Variants in KANSL1 observed in about 807,000 individuals in gnomAD.
The protein encoded by KANSL1 is KAT8 regulatory NSL complex subunit 1, also known as MLL1/MLL complex subunit KANSL1.
In KANSL1, 22 loss-of-function variants were observed where a neutral mutation model predicts 103.6. The observed-to-expected ratio is 0.21, with a 90% CI of 0.15 to 0.30. The LOEUF (loss-of-function observed/expected upper bound fraction) is 0.30, where lower values mean the gene tolerates loss of function less well. Ranked by LOEUF, KANSL1 falls within the 10% of genes least tolerant of loss-of-function variation. The pLI is 1.00. For synonymous variants in KANSL1, 600 were observed against 527.6 expected (o/e 1.14, Z -1.88); for missense variants, 1,337 against 1,399.8 (o/e 0.96, Z 0.72).
intron 2 of KANSL1, among the ~76,000 whole-genome samples, chr17:46,102,024 G>A (rs1327308157): frequency 6.6e-6 from 1 of 152,134 alleles, no homozygotes; most frequent in African/African-American, 2.4e-5. Context: ...TGCATTATCA[G>A]TGACATTACC....
chr17:46,223,552 G>A (rs1323410887), intron 1 of KANSL1: 6 of 149,346 alleles, frequency 4.0e-5, no homozygotes, highest in Admixed American at 3.4e-4. Context: ...AAACACAAGA[G>A]GCAAGAGAAA....
chr17:46,067,655 A>T lies in KANSL1; in HGVS notation c.1546T>A (p.Ser516Thr). 6.5e-7 allele frequency: 1 copy of T among 1,536,254 alleles called. No homozygotes were observed. Among genetic ancestry groups the T allele is most frequent in the Non-Finnish European group, 9.0e-7 (1 of 1,109,194 alleles). ...HGTDKLIESV[S>T]QPLENHGAPI... The stretch of plus-strand genomic sequence containing the variant: ...GCACCATGGTTTTCCAATGGCTGAG[A>T]AACAGACTCAATCTGATTAAGAAAA... The change falls in exon 5 of 15, where the codon TCT becomes ACT. Residue 516 changes from serine to threonine, a missense_variant. Ser to Thr is a moderately conservative substitution (Grantham distance 58). This residue lies in a region of KANSL1 where 780 missense variants were observed against 923.4 expected (regional missense o/e 0.84). Coordinates refer to ENST00000432791, the MANE Select transcript of KANSL1 (RefSeq NM_015443.4).
chr17:46,092,824 T>G (rs2079462882), intron 3 of KANSL1: 2 of 151,396 alleles, frequency 1.3e-5, no homozygotes, highest in East Asian at 3.9e-4. Context: ...TCCCCACATG[T>G]CAACAACTTT....
At chr17:46,052,964 C>CAAAAAAAAAAAAAAAAAAAAAAA (rs34473927) in intron 6 of KANSL1, among the ~76,000 whole-genome samples, 1 of 33,000 alleles carries the variant, frequency 3.0e-5, no homozygotes, top group Admixed American at 3.9e-4. Flanking sequence ...ATCCTGTCTC[C>CAAAAAAAAAAAAAAAAAAAAAAA]AAAAAAAAAA....
upstream of KANSL1, chr17:46,225,228 C>G (rs2048649795): frequency 6.5e-6 from 1 of 153,934 alleles, no homozygotes; most frequent in South Asian, 2.1e-4. Context: ...GCCGCTCCCT[C>G]GAGCTCGTCG....
At chr17:46,185,214 A>C (rs994369289) in intron 1 of KANSL1, among the ~76,000 whole-genome samples, 1 of 112,914 alleles carries the variant, frequency 8.9e-6, no homozygotes, top group African/African-American at 2.6e-5. Flanking sequence ...ACAGCAGACC[A>C]ACACACGTTA....
rs77185403 is a variant in KANSL1 at position 46,140,422 on chromosome 17, C to A, written c.1289+30433G>T. On this transcript the variant is annotated intron_variant, in intron 2 of 14. Coordinates refer to ENST00000432791, the MANE Select transcript of KANSL1 (RefSeq NM_015443.4). ...TAACTTAAAGTCGATCAAAGCCCTA[C>A]TTAAATGTAAGCATTGAAACTCCTG... Among the ~76,000 whole-genome samples, 1,396 of 152,140 alleles carry A rather than the reference C, an allele frequency of 9.2e-3. 25 individuals are homozygous for A. The highest frequency in any genetic ancestry group is 0.032 in the African/African-American group (1,341 of 41,484).
intron 1 of KANSL1, among the ~76,000 whole-genome samples, chr17:46,186,051 C>T (rs2047016685): frequency 6.6e-6 from 1 of 151,980 alleles, no homozygotes; most frequent in Admixed American, 6.6e-5. Context: ...CTGAACAATC[C>T]TAAAATCAGC....
intron 4 of KANSL1, among the ~76,000 whole-genome samples, chr17:46,072,797 T>G (rs974294): frequency 0.14 from 21,781 of 152,264 alleles, 2,115 homozygotes; most frequent in Non-Finnish European, 0.22. Flanking sequence ...AATTACATTA[T>G]AACAATTTTG....
intron 2 of KANSL1, among the ~76,000 whole-genome samples, chr17:46,119,281 G>C (rs1465442466): frequency 6.6e-6 from 1 of 151,744 alleles, no homozygotes; most frequent in East Asian, 1.9e-4. Flanking sequence ...ATCTACATCT[G>C]TATACGGGTA....
upstream of KANSL1, chr17:46,224,830 T>C (rs1343859860): frequency 6.6e-6 from 1 of 150,732 alleles, no homozygotes; most frequent in African/African-American, 2.4e-5. Flanking sequence ...GTGGGGCGCC[T>C]CCTTCTGCCC....
intron 2 of KANSL1, among the ~76,000 whole-genome samples, chr17:46,125,026 G>GGGAGGGAGGA (rs2043458755): frequency 1.2e-5 from 1 of 83,588 alleles, no homozygotes; most frequent in Non-Finnish European, 2.9e-5. Flanking sequence ...AGGGAAGGGA[G>GGGAGGGAGGA]GGGAGGTAGG....
chr17:46,146,892 T>C (rs2044737918), intron 2 of KANSL1, among the ~76,000 whole-genome samples: 1 of 148,880 alleles, frequency 6.7e-6, no homozygotes, highest in African/African-American at 2.5e-5. Flanking sequence ...CACATTTAGA[T>C]GTTTCTTTTT....
intron 1 of KANSL1, among the ~76,000 whole-genome samples, chr17:46,212,470 C>T (rs1434723069): frequency 6.6e-6 from 1 of 152,178 alleles, no homozygotes; most frequent in Non-Finnish European, 1.5e-5. Flanking sequence ...CCGCCCACCT[C>T]GGCCTCCTGA....
In KANSL1 at chr17:46,062,602, C is replaced by T. The variant is rs538300133; in HGVS notation, c.1848+3935G>A. On this transcript the variant is annotated intron_variant, in intron 6 of 14. Coordinates refer to ENST00000432791, the MANE Select transcript of KANSL1 (RefSeq NM_015443.4). ...TTGATCTCCTGACCTCATGATCTGC[C>T]CCACCTTGGCCTCCCAAAGTGCTGG... is the stretch of plus-strand genomic sequence containing the variant. Among the ~76,000 whole-genome samples the T allele has an allele frequency of 9.2e-5, 14 of 151,622 alleles. No individual in the cohort carries two copies. In the South Asian group the frequency reaches 2.9e-3, roughly 32 times the overall value.
chr17:46,042,532 ACT>A (rs928538851), intron 7 of KANSL1: 1 of 152,076 alleles, frequency 6.6e-6, no homozygotes, highest in Non-Finnish European at 1.5e-5. Flanking sequence ...TAAAGCCCAT[ACT>A]CTTAGACAAT....
At chr17:46,102,129 G>C (rs2147023472) in intron 2 of KANSL1, among the ~76,000 whole-genome samples, 1 of 152,312 alleles carries the variant, frequency 6.6e-6, no homozygotes, top group East Asian at 1.9e-4. Context: ...TAGTTGTAAA[G>C]TAAAACCCAG....
intron 2 of KANSL1, among the ~76,000 whole-genome samples, chr17:46,121,077 A>C (rs564663391): frequency 3.3e-5 from 5 of 152,164 alleles, no homozygotes; most frequent in Non-Finnish European, 7.3e-5. Context: ...CTCTAACTTC[A>C]AAATATATCC....
intron 2 of KANSL1, among the ~76,000 whole-genome samples, chr17:46,126,857 A>G (rs369039710): frequency 6.6e-6 from 1 of 152,238 alleles, no homozygotes; most frequent in Non-Finnish European, 1.5e-5. Flanking sequence ...TTCTGGCTGT[A>G]CCACTCAACA....
Sources: gnomAD v4.1 joint callset for allele counts (sites outside exome capture counted in the v4.1 genomes callset) on GRCh38, gnomAD v4.1.1 for gene constraint, gnomAD v4.1.1 regional missense constraint, MANE v1.5 for transcripts, NCBI Gene and HGNC (gene_info 2026-07-23, HGNC 2026-07-21) for gene names.